The following KCNQ1 variants were observed in gnomAD, a reference collection of about 807,000 sequenced individuals.
The protein encoded by KCNQ1 is potassium voltage-gated channel subfamily KQT member 1.
A neutral mutation model predicts 72.4 loss-of-function variants in KCNQ1; 49 were observed. That is an observed-to-expected ratio of 0.68 (90% CI 0.54 to 0.86). The LOEUF is 0.86. Among genes scored for constraint, KCNQ1 ranks in the 40% least tolerant of loss-of-function variants. The pLI is 0.00. For missense variants in KCNQ1, 790 were observed against 945.1 expected, an observed-to-expected ratio of 0.84 and a Z score of 2.15; for synonymous variants, 450 against 412.6, an observed-to-expected ratio of 1.09 and a Z score of -1.10.
At chr11:2,476,401 T>G (rs2133605392) in intron 1 of KCNQ1, among the ~76,000 whole-genome samples, 1 of 152,330 alleles carries the variant, frequency 6.6e-6, no homozygotes, top group Non-Finnish European at 1.5e-5. Context: ...GGGGCATATA[T>G]GCATATCTGT....
chr11:2,756,681 G>C (rs902584332), intron 11 of KCNQ1, among the ~76,000 whole-genome samples: 1 of 151,852 alleles, frequency 6.6e-6, no homozygotes, highest in African/African-American at 2.4e-5. Context: ...GAACTCCTGA[G>C]CTCAAAGCAA....
intron 11 of KCNQ1, among the ~76,000 whole-genome samples, chr11:2,705,004 G>A (rs1032188921): frequency 8.5e-5 from 13 of 152,066 alleles, no homozygotes; most frequent in African/African-American, 2.4e-4. Flanking sequence ...GTCCATTGCC[G>A]TCTTAGCTAC....
chr11:2,615,184 T>G, intron 10 of KCNQ1: 1 of 398,246 alleles, frequency 2.5e-6, no homozygotes, highest in Non-Finnish European at 4.4e-6. Context: ...AAAATTGACT[T>G]CCTTCTTGGG....
intron 11 of KCNQ1, chr11:2,684,489 T>G (rs1278246478): frequency 5.0e-6 from 2 of 398,534 alleles, no homozygotes; most frequent in Non-Finnish European, 4.4e-6. Context: ...CTGGCTGAGT[T>G]CTCCTTCTAT....
At chr11:2,519,347 C>G (rs956711307) in intron 1 of KCNQ1, among the ~76,000 whole-genome samples, 1 of 152,236 alleles carries the variant, frequency 6.6e-6, no homozygotes, top group Non-Finnish European at 1.5e-5. Flanking sequence ...TGGGCGTGGA[C>G]GTGACCCTCT....
At chr11:2,584,239 T>A (rs1337701373) in intron 7 of KCNQ1, among the ~76,000 whole-genome samples, 1 of 146,892 alleles carries the variant, frequency 6.8e-6, no homozygotes, top group Non-Finnish European at 1.5e-5. Context: ...TTTATGTATC[T>A]GTGTCACAGG....
At chr11:2,820,997 C>G (rs1175204221) in intron 15 of KCNQ1, among the ~76,000 whole-genome samples, 1 of 152,268 alleles carries the variant, frequency 6.6e-6, no homozygotes, top group African/African-American at 2.4e-5. Context: ...CTAGGCCCAT[C>G]TAAGCGAGGG....
chr11:2,748,987 C>T lies in KCNQ1; in HGVS notation c.1515-19857C>T, dbSNP rs1030085987. ...GAGCTATTCAAAATGGCGGGAGGGG[C>T]GAGGCCTCTGGAGCAAGGAAAGAGA... On this transcript the variant is annotated intron_variant, in intron 11 of 15. Transcript: ENST00000155840. This position sits in a 1 kb window ranked among gnomAD's most constrained non-coding sequence, Gnocchi z 6.2. Among the ~76,000 whole-genome samples, 7 of 152,156 alleles carry T rather than the reference C, an allele frequency of 4.6e-5. No individual in the cohort carries two copies. Among genetic ancestry groups the T allele is most frequent in the African/African-American group, 9.7e-5 (4 of 41,416 alleles).
chr11:2,743,722 C>T (rs1473037708), intron 11 of KCNQ1, among the ~76,000 whole-genome samples: 1 of 152,228 alleles, frequency 6.6e-6, no homozygotes, highest in East Asian at 1.9e-4. Context: ...TCTTGATTAG[C>T]CGCCATCTAA....
chr11:2,809,716 C>T lies in KCNQ1; in HGVS notation c.1794+31679C>T, dbSNP rs900543885. 1.3e-5 allele frequency among the ~76,000 whole-genome samples: 2 copies of T among 152,110 alleles called. No individual in the cohort carries two copies. The highest frequency in any genetic ancestry group is 2.1e-4 in the South Asian group (1 of 4,830). On this transcript the variant is annotated intron_variant, in intron 15 of 15. Coordinates refer to ENST00000155840, the MANE Select transcript of KCNQ1 (RefSeq NM_000218.3). This position sits in a 1 kb window ranked among gnomAD's most constrained non-coding sequence, Gnocchi z 7.1. ...CTGTTGGCCTTTATCATCTCCACCACGTGCTCAACACTCCAGGCCAGAGCC... is the reference window on the plus strand; with the variant it reads ...CTGTTGGCCTTTATCATCTCCACCATGTGCTCAACACTCCAGGCCAGAGCC...
At chr11:2,811,686 G>A (rs1847488723) in intron 15 of KCNQ1, among the ~76,000 whole-genome samples, 1 of 152,230 alleles carries the variant, frequency 6.6e-6, no homozygotes, top group Non-Finnish European at 1.5e-5. Context: ...GCAGCACAAG[G>A]GTCAGCAGAC....
At chr11:2,777,198 G>A (rs1265135312) in intron 14 of KCNQ1, among the ~76,000 whole-genome samples, 166 bp downstream of exon 14, 1 of 152,200 alleles carries the variant, frequency 6.6e-6, no homozygotes, top group African/African-American at 2.4e-5. Context: ...CCCACCCTTA[G>A]CAAAGTGGCT....
At chr11:2,845,551 G>A (rs1365959797) in intron 15 of KCNQ1, among the ~76,000 whole-genome samples, 1 of 152,226 alleles carries the variant, frequency 6.6e-6, no homozygotes, top group Non-Finnish European at 1.5e-5. Flanking sequence ...CATAGTCTGG[G>A]CCTCACATCA....
At chr11:2,685,040 T>A in intron 11 of KCNQ1, 1 of 398,642 alleles carries the variant, frequency 2.5e-6, no homozygotes. Flanking sequence ...GTGAGCACAT[T>A]TCCTGGATTT....
intron 15 of KCNQ1, among the ~76,000 whole-genome samples, chr11:2,798,053 T>G (rs1331255770): frequency 6.6e-6 from 1 of 152,158 alleles, no homozygotes; most frequent in Non-Finnish European, 1.5e-5. Flanking sequence ...ACAGCGGCCT[T>G]GGGACAATAC....
At chr11:2,726,675 C>G (rs2283210) in intron 11 of KCNQ1, among the ~76,000 whole-genome samples, 4,223 of 152,260 alleles carry the variant, frequency 0.028, 86 homozygotes, top group Admixed American at 0.054. Context: ...TTATATTTTC[C>G]CCCAAAATTT....
intron 10 of KCNQ1, chr11:2,631,182 C>A (rs976580508): frequency 5.5e-5 from 22 of 398,416 alleles, no homozygotes; most frequent in Non-Finnish European, 8.4e-5. Context: ...ACTTTCTACC[C>A]TTTACCTCTC....
At position 2,682,169 on chromosome 11, in the gene KCNQ1, T is replaced by G. The variant is rs1850409364; in HGVS notation, c.1514+20088T>G. The G allele has an allele frequency of 2.5e-6, 1 of 398,412 alleles. No homozygotes were observed. The highest frequency in any genetic ancestry group is 2.1e-5 in the African/African-American group (1 of 48,586). 24.7% of individuals were successfully genotyped at this position (398,412 alleles called of 1,614,324 possible). On this transcript the variant is annotated intron_variant, in intron 11 of 15. Coordinates refer to ENST00000155840, the MANE Select transcript of KCNQ1 (RefSeq NM_000218.3). The surrounding 1 kb of genome is among the most constrained non-coding windows in gnomAD (Gnocchi z 5.8). ...TCTTTCAGTATTAAACATATCAAGC[T>G]CTCTCCTGACCTTCTCTCCCCTTCC... is the stretch of plus-strand genomic sequence containing the variant.
Position 2,457,853 on chromosome 11 carries a change from G to C in KCNQ1, c.386+12369G>C, listed in dbSNP as rs760099010. Among the ~76,000 whole-genome samples the C allele has an allele frequency of 6.6e-6, 1 of 151,720 alleles. No homozygotes were observed. The highest frequency in any genetic ancestry group is 2.4e-5 in the African/African-American group (1 of 41,292). On this transcript the variant is annotated intron_variant, in intron 1 of 15. Coordinates refer to ENST00000155840, the MANE Select transcript of KCNQ1 (RefSeq NM_000218.3). This position sits in a 1 kb window ranked among gnomAD's most constrained non-coding sequence, Gnocchi z 5.0. ...ACAGATGTAAGTTAGAAGAGGTTAC[G>C]CAAAAATCCTCCATCCCTGCATTTG...
Sources: gnomAD v4.1 joint callset for allele counts (sites outside exome capture counted in the v4.1 genomes callset) on GRCh38, gnomAD v4.1.1 for gene constraint, Gnocchi (gnomAD v3.1) non-coding constraint, MANE v1.5 for transcripts, NCBI Gene and HGNC (gene_info 2026-07-23, HGNC 2026-07-21) for gene names.